Variants in ITPRIP observed in about 807,000 individuals in gnomAD.
The protein encoded by ITPRIP is inositol 1,4,5-trisphosphate receptor interacting protein, also known as inositol 1,4,5-trisphosphate receptor-interacting protein.
Under a neutral mutation model 35.8 loss-of-function variants are expected in ITPRIP, and 32 were observed. The observed-to-expected ratio is 0.89, with a 90% confidence interval of 0.68 to 1.20. ITPRIP has a LOEUF of 1.20. Ranked by LOEUF, ITPRIP falls within the 50% of genes most tolerant of loss-of-function variation. ITPRIP has a pLI of 0.00. For missense variants in ITPRIP, 653 were observed against 735.6 expected (o/e 0.89, Z 1.30); for synonymous variants, 358 against 324.0 (o/e 1.11, Z -1.13).
At chr10:104,316,655 CACTCA>C (rs2013702103) in intron 1 of ITPRIP, among the ~76,000 whole-genome samples, 1 of 152,200 alleles carries the variant, frequency 6.6e-6, no homozygotes, top group African/African-American at 2.4e-5. Context: ...CCCCTCCCCA[CACTCA>C]GCTCTGCTTG....
chr10:104,314,335 A>G lies in ITPRIP; in HGVS notation c.*73T>C, dbSNP rs1326994267. 3.3e-6 allele frequency: 5 copies of G among 1,532,604 alleles called. No individual in the cohort carries two copies. Among genetic ancestry groups the G allele is most frequent in the Non-Finnish European group, 4.4e-6 (5 of 1,140,962 alleles). The allele number at this position is 1,532,604 out of a possible 1,614,324, so 94.9% of individuals were successfully genotyped here. A position where few individuals can be genotyped will look rare whatever the true frequency, so the allele number is the denominator to read the frequency against. On this transcript the variant is annotated 3_prime_UTR_variant, in exon 2 of 2. Transcript: ENST00000337478. ...GCCTTGTCCCCAGAACAGGGCTGGC[A>G]GATGCCACCAGGGGTGTGAACGTGA...
chr10:104,315,202 C>T lies in ITPRIP; in HGVS notation c.850G>A (p.Glu284Lys). The change falls in exon 2 of 2, where the codon GAG (glutamate) becomes AAG (lysine). Residue 284 changes from glutamate to lysine, a missense_variant. Physicochemically the swap from Glu to Lys is moderately conservative, Grantham distance 56 (BLOSUM62 1). Coordinates refer to ENST00000337478, the MANE Select transcript of ITPRIP (RefSeq NM_001272013.2). The surrounding 1 kb of genome is among the most constrained non-coding windows in gnomAD (Gnocchi z 5.7). Reference sequence around the variant, plus strand: ...GAATCTGTGGCACACAGCAGGTTCTCCATGTCGCCGCAGGGAGGCGCCATG... The same window carrying T: ...GAATCTGTGGCACACAGCAGGTTCTTCATGTCGCCGCAGGGAGGCGCCATG... ...NSMAPPCGDM[E>K]NLLCATDSLY... is the part of the protein sequence containing the mutation. 1 of 1,614,118 alleles carries T rather than the reference C, an allele frequency of 6.2e-7. No individual in the cohort carries two copies. The highest frequency in any genetic ancestry group is 8.5e-7 in the Non-Finnish European group (1 of 1,179,980).
At position 104,328,772 on chromosome 10, in the gene ITPRIP, G is replaced by A. The variant is rs943555576; in HGVS notation, c.-14+9474C>T. ...GCTTAGAAAGACACTCTGCCTCTAGGAGATGGGGGAGGATGAACCCCCCAA... is the reference window on the plus strand; with the variant it reads ...GCTTAGAAAGACACTCTGCCTCTAGAAGATGGGGGAGGATGAACCCCCCAA... On this transcript the variant is annotated intron_variant, in intron 1 of 1. Transcript: ENST00000337478. The surrounding 1 kb of genome is among the most constrained non-coding windows in gnomAD (Gnocchi z 4.1). 1.3e-5 allele frequency: 2 copies of A among 152,194 alleles called. No homozygotes were observed. Among genetic ancestry groups the A allele is most frequent in the African/African-American group, 4.8e-5 (2 of 41,378 alleles). 9.4% of individuals were successfully genotyped at this position (152,194 alleles called of 1,614,324 possible).
In ITPRIP at chr10:104,314,628, T is replaced by A; in HGVS notation, c.1424A>T (p.His475Leu). 1 of 1,614,098 alleles carries A rather than the reference T, an allele frequency of 6.2e-7. No homozygotes were observed. Among genetic ancestry groups the A allele is most frequent in the Non-Finnish European group, 8.5e-7 (1 of 1,180,000 alleles). ...LEKSLLQKKLHHFFIGNRKVP... is the reference protein window; with the variant it reads ...LEKSLLQKKLLHFFIGNRKVP... ...CTTGCGGTTGCCGATGAAGAAGTGG[T>A]GGAGCTTCTTCTGGAGCAAGCTCTT... Residue 475 changes from histidine to leucine, a missense_variant, in exon 2 of 2, where the codon CAC (histidine) becomes CTC (leucine). His to Leu is a moderately conservative substitution (Grantham distance 99, BLOSUM62 -3). Coordinates refer to ENST00000337478, the MANE Select transcript of ITPRIP (RefSeq NM_001272013.2).
At chr10:104,320,719 G>A (rs1307390910) in intron 1 of ITPRIP, among the ~76,000 whole-genome samples, 1 of 152,036 alleles carries the variant, frequency 6.6e-6, no homozygotes, top group Non-Finnish European at 1.5e-5. Flanking sequence ...TATATTTCTA[G>A]TAGAGACAGG....
rs911439199 is a variant in ITPRIP, at chr10:104,320,577, G to A, written c.-13-4513C>T. Among the ~76,000 whole-genome samples the A allele has an allele frequency of 7.7e-5, 11 of 143,242 alleles. No individual in the cohort carries two copies. In the East Asian group the frequency reaches 8.1e-4, roughly 11 times the overall value. The allele number at this position is 143,242 out of a possible 152,430, so 94.0% of individuals were successfully genotyped here. On this transcript the variant is annotated intron_variant, in intron 1 of 1. Coordinates refer to ENST00000337478, the MANE Select transcript of ITPRIP (RefSeq NM_001272013.2). ...TTTTGAGACTAAGTCTCACTCTGTC[G>A]CCTGGGCTAGAGTGCAGTGGAGGGA...
At chr10:104,332,976 C>CAT (rs559942716) in intron 1 of ITPRIP, among the ~76,000 whole-genome samples, 204 of 152,346 alleles carry the variant, frequency 1.3e-3, no homozygotes, top group African/African-American at 4.5e-3. Context: ...CCATGCATAA[C>CAT]AGATACACAA....
rs1437432881 is a variant in ITPRIP at position 104,313,373 on chromosome 10, G to C, written c.*1035C>G. 1.0e-6 allele frequency: 1 copy of C among 986,278 alleles called. No individual in the cohort carries two copies. Among genetic ancestry groups the C allele is most frequent in the Non-Finnish European group, 1.2e-6 (1 of 830,404 alleles). 61.1% of individuals were successfully genotyped at this position (986,278 alleles called of 1,614,324 possible). A position where few individuals can be genotyped will look rare whatever the true frequency, so the allele number is the denominator to read the frequency against. ...AGCAGAGACTTCGCTGCAGGACGCA[G>C]GGCCAGAAGAGGTTGAGAGGCTTGG... On this transcript the variant is annotated 3_prime_UTR_variant, in exon 2 of 2. Coordinates refer to ENST00000337478, the MANE Select transcript of ITPRIP (RefSeq NM_001272013.2).
At position 104,312,893 on chromosome 10, in the gene ITPRIP, G is replaced by A; in HGVS notation, c.*1515C>T. On this transcript the variant is annotated 3_prime_UTR_variant, in exon 2 of 2. Transcript: ENST00000337478. ...GAACACGGTATATTCTTGACTCCCTGGCCCCCTGCAAGGGTAACTGAAGTA... is the reference window on the plus strand; with the variant it reads ...GAACACGGTATATTCTTGACTCCCTAGCCCCCTGCAAGGGTAACTGAAGTA... 1 of 985,370 alleles carries A rather than the reference G, an allele frequency of 1.0e-6. No homozygotes were observed. The allele number at this position is 985,370 out of a possible 1,614,324, so 61.0% of individuals were successfully genotyped here. A position where few individuals can be genotyped will look rare whatever the true frequency, so the allele number is the denominator to read the frequency against.
rs2013638464 is a variant in ITPRIP, at chr10:104,315,407, TG to T, written c.644del (p.Thr215AsnfsTer39). Reference protein sequence around the residue: ...PLLCHLFVPFTPPEPYRFHPE... With the variant: ...PLLCHLFVPFXPPEPYRFHPE... ...GGTGGAAGCGGTAGGGCTCGGGGGG[TG>T]TGAAGGGCACGAAAAGGTGGCACAG... On this transcript the variant is annotated frameshift_variant, in exon 2 of 2. Transcript: ENST00000337478. LOFTEE classifies it high-confidence loss of function. This position sits in a 1 kb window ranked among gnomAD's most constrained non-coding sequence, Gnocchi z 5.7. 51 of 1,582,356 alleles carry T rather than the reference TG, an allele frequency of 3.2e-5. No homozygotes were observed. The highest frequency in any genetic ancestry group is 4.1e-5 in the Non-Finnish European group (48 of 1,161,492).
chr10:104,327,400 G>A (rs911014978), intron 1 of ITPRIP, among the ~76,000 whole-genome samples: 1 of 152,000 alleles, frequency 6.6e-6, no homozygotes, highest in Non-Finnish European at 1.5e-5. Context: ...GGACCTCTTG[G>A]TTCCCTCTCT....
Position 104,313,599 on chromosome 10 carries a change from A to G in ITPRIP, c.*809T>C. ...AAGACCAGCTTTGGAGAGAATAAAG[A>G]GAGGTGGGGGGCTGCTGAGCTGGCA... On this transcript the variant is annotated 3_prime_UTR_variant, in exon 2 of 2. Coordinates refer to ENST00000337478, the MANE Select transcript of ITPRIP (RefSeq NM_001272013.2). 1.0e-6 allele frequency: 1 copy of G among 985,532 alleles called. No individual in the cohort carries two copies. Among genetic ancestry groups the G allele is most frequent in the Non-Finnish European group, 1.2e-6 (1 of 830,026 alleles). The allele number at this position is 985,532 out of a possible 1,614,324, so 61.0% of individuals were successfully genotyped here.
chr10:104,335,994 G>A (rs2014226901), intron 1 of ITPRIP, among the ~76,000 whole-genome samples: 1 of 152,008 alleles, frequency 6.6e-6, no homozygotes, highest in Admixed American at 6.5e-5. Context: ...CAGGGCTGCT[G>A]TGTGAATGGT....
intron 1 of ITPRIP, among the ~76,000 whole-genome samples, chr10:104,324,937 C>T (rs1445262892): frequency 6.6e-6 from 1 of 152,250 alleles, no homozygotes; most frequent in Admixed American, 6.5e-5. Context: ...GTGAGCAACA[C>T]TGGGTGCAGT....
In ITPRIP at chr10:104,315,805, G is replaced by C. The variant is rs756046738; in HGVS notation, c.247C>G (p.Arg83Gly). Residue 83 changes from arginine (R) to glycine (G), a missense_variant, in exon 2 of 2, where the codon CGC becomes GGC. By Grantham distance (125) the Arg-to-Gly change is moderately radical. Coordinates refer to ENST00000337478, the MANE Select transcript of ITPRIP (RefSeq NM_001272013.2). The surrounding 1 kb of genome is among the most constrained non-coding windows in gnomAD (Gnocchi z 5.7). Reference sequence around the variant, plus strand: ...GTGCTCCAGAGGTCCCAGGCCACGCGTGTCTCGTTCTGCTGCCTGCCCTCC... The same window carrying C: ...GTGCTCCAGAGGTCCCAGGCCACGCCTGTCTCGTTCTGCTGCCTGCCCTCC... ...AEEGRQQNET[R>G]VAWDLWSTLC... The C allele has an allele frequency of 6.2e-7, 1 of 1,613,594 alleles. No homozygotes were observed. The highest frequency in any genetic ancestry group is 8.5e-7 in the Non-Finnish European group (1 of 1,179,816).
chr10:104,337,222 G>T (rs1033136810), intron 1 of ITPRIP, among the ~76,000 whole-genome samples: 3 of 152,164 alleles, frequency 2.0e-5, no homozygotes, highest in African/African-American at 7.2e-5. Flanking sequence ...CTGGCAGTCA[G>T]ATAGACTCGG....
At chr10:104,325,698 T>A (rs1311321115) in intron 1 of ITPRIP, among the ~76,000 whole-genome samples, 1 of 152,174 alleles carries the variant, frequency 6.6e-6, no homozygotes, top group African/African-American at 2.4e-5. Flanking sequence ...TTCGAGTGGG[T>A]GGAACCGGGC....
intron 1 of ITPRIP, among the ~76,000 whole-genome samples, chr10:104,334,969 G>T (rs1201418946): frequency 6.6e-6 from 1 of 152,212 alleles, no homozygotes; most frequent in Non-Finnish European, 1.5e-5. Context: ...CTTTCTCAGG[G>T]TGAATCAGTA....
chr10:104,336,742 T>G (rs1247458692), intron 1 of ITPRIP, among the ~76,000 whole-genome samples: 1 of 152,150 alleles, frequency 6.6e-6, no homozygotes, highest in Non-Finnish European at 1.5e-5. Flanking sequence ...CTGTCTCTGC[T>G]GATAGCTGTG....
Sources: gnomAD v4.1 joint callset for allele counts (sites outside exome capture counted in the v4.1 genomes callset) on GRCh38, gnomAD v4.1.1 for gene constraint, Gnocchi (gnomAD v3.1) non-coding constraint, MANE v1.5 for transcripts, NCBI Gene and HGNC (gene_info 2026-07-23, HGNC 2026-07-21) for gene names.